The following POLI variants were observed in gnomAD, a reference collection of about 807,000 sequenced individuals.
POLI encodes DNA polymerase iota.
POLI carries 58 observed loss-of-function variants against 51.6 expected under a neutral mutation model. That is an observed-to-expected ratio of 1.12 (90% confidence interval 0.91 to 1.40). POLI has a LOEUF of 1.40. POLI is among the 40% of genes most tolerant of loss of function. The probability of loss-of-function intolerance (pLI) is 0.00; values close to 1 mark genes in which losing one functional copy is unlikely to be tolerated. For synonymous variants in POLI, 322 were observed against 299.7 expected, an observed-to-expected ratio of 1.07 and a Z score of -0.77; for missense variants, 921 against 871.3, an observed-to-expected ratio of 1.06 and a Z score of -0.72.
intron 3 of POLI, among the ~76,000 whole-genome samples, chr18:54,303,924 C>A (rs12955457): frequency 2.7e-3 from 405 of 149,870 alleles, no homozygotes; most frequent in East Asian, 0.024. Flanking sequence ...CCCCCCACCC[C>A]ACAATGGCCC....
chr18:54,294,054 A>G lies in POLI; in HGVS notation c.1810A>G (p.Thr604Ala). 1 of 1,613,140 alleles carries G rather than the reference A, an allele frequency of 6.2e-7. No individual in the cohort carries two copies. Among genetic ancestry groups the G allele is most frequent in the South Asian group, 1.1e-5 (1 of 91,056 alleles). ...VSSVSPCEPGTSGFNSSSSSY... is the reference protein window; with the variant it reads ...VSSVSPCEPGASGFNSSSSSY... The stretch of plus-strand genomic sequence containing the variant: ...CTCTGTATCTCCTTGTGAACCGGGA[A>G]CATCAGGCTTTAATAGCAGTAGTTC... The change falls in exon 10 of 10, where the codon ACA becomes GCA. Residue 604 changes from threonine to alanine, a missense_variant. By Grantham distance (58) the Thr-to-Ala change is moderately conservative (BLOSUM62 0). Transcript: ENST00000579534.
rs2276182 is a variant in POLI at position 54,271,677 on chromosome 18, C to G, written c.241+192C>G. 0.38 allele frequency among the ~76,000 whole-genome samples: 57,651 copies of G among 152,088 alleles called. 11,800 individuals carry two copies. Among genetic ancestry groups the G allele is most frequent in the East Asian group, 0.69 (3,553 of 5,176 alleles). ...AAGCCTCATTTAATAAGTGGTGAATCTGAGAATAGTGTAGTCGGCAGAACA... is the reference window on the plus strand; with the variant it reads ...AAGCCTCATTTAATAAGTGGTGAATGTGAGAATAGTGTAGTCGGCAGAACA... On this transcript the variant is annotated intron_variant, in intron 2 of 9. Coordinates refer to ENST00000579534, the MANE Select transcript of POLI (RefSeq NM_007195.3).
In POLI at chr18:54,269,547, A is replaced by ATGGAGAAGCTGGGGG. The variant is rs946533242; in HGVS notation, c.7_21dup (p.Lys3_Glu7dup). ...TAGCGCTGCGGTTGGCAGCGGCGGG[A>ATGGAGAAGCTGGGGG]TGGAGAAGCTGGGGGTGGAGCCGGA... On this transcript the variant is annotated inframe_insertion, in exon 1 of 10. Transcript: ENST00000579534. 6.6e-7 allele frequency: 1 copy of ATGGAGAAGCTGGGGG among 1,507,120 alleles called. No individual in the cohort carries two copies. Among genetic ancestry groups the ATGGAGAAGCTGGGGG allele is most frequent in the Non-Finnish European group, 8.8e-7 (1 of 1,132,588 alleles). The allele number at this position is 1,507,120 out of a possible 1,614,324, so 93.4% of individuals were successfully genotyped here.
At chr18:54,306,859 T>C (rs576777658) in intron 3 of POLI, among the ~76,000 whole-genome samples, 6 of 152,172 alleles carry the variant, frequency 3.9e-5, no homozygotes, top group Non-Finnish European at 8.8e-5. Context: ...AGTTTATTTG[T>C]GTAGAGGTGT....
chr18:54,287,163 T>C, intron 7 of POLI, 118 bp from the exon 8 acceptor site: 1 of 621,988 alleles, frequency 1.6e-6, no homozygotes, highest in Non-Finnish European at 2.8e-6. Flanking sequence ...TGTTATCTGC[T>C]ATATGTATAA....
chr18:54,301,999 TTTTA>T, downstream of POLI, among the ~76,000 whole-genome samples: 1 of 152,356 alleles, frequency 6.6e-6, no homozygotes, highest in South Asian at 2.1e-4. Flanking sequence ...TTGAAGTTGC[TTTTA>T]TTTGTTTAAG....
downstream of POLI, among the ~76,000 whole-genome samples, chr18:54,302,277 A>G (rs914217932): frequency 6.6e-6 from 1 of 152,222 alleles, no homozygotes; most frequent in Admixed American, 6.5e-5. Flanking sequence ...AGCATTCAAT[A>G]TGTATACTCA....
chr18:54,294,547 AAAC>A lies in POLI; in HGVS notation c.*82_*84del. 1 of 1,453,602 alleles carries A rather than the reference AAAC, an allele frequency of 6.9e-7. No homozygotes were observed. Among genetic ancestry groups the A allele is most frequent in the Non-Finnish European group, 9.0e-7 (1 of 1,108,314 alleles). 90.0% of individuals were successfully genotyped at this position (1,453,602 alleles called of 1,614,324 possible). ...GCGGTTTATTAAGCTCTTCTATATTAAACACTAATAGATATTCAATAACGGAGT... is the reference window on the plus strand; with the variant it reads ...GCGGTTTATTAAGCTCTTCTATATTAACTAATAGATATTCAATAACGGAGT... On this transcript the variant is annotated 3_prime_UTR_variant, in exon 10 of 10. Coordinates refer to ENST00000579534, the MANE Select transcript of POLI (RefSeq NM_007195.3).
upstream of POLI, chr18:54,269,499 G>T: frequency 6.7e-7 from 1 of 1,498,504 alleles, no homozygotes; most frequent in South Asian, 1.3e-5. Context: ...TTTCCCTGGA[G>T]ACCAGGCGGA....
Position 54,294,358 on chromosome 18 carries a change from C to T in POLI, c.2114C>T (p.Pro705Leu). 6.2e-7 allele frequency: 1 copy of T among 1,613,598 alleles called. No individual in the cohort carries two copies. The highest frequency in any genetic ancestry group is 8.5e-7 in the Non-Finnish European group (1 of 1,179,696). ...PDSVDEKITFPSDIDPQVFYE... is the reference protein window; with the variant it reads ...PDSVDEKITFLSDIDPQVFYE... ...TCTGTTGATGAGAAAATTACTTTCC[C>T]TTCTGACATTGATCCTCAAGTTTTC... The change falls in exon 10 of 10, where the codon CCT (proline) becomes CTT (leucine). Residue 705 changes from proline to leucine, a missense_variant. By Grantham distance (98) the Pro-to-Leu change is moderately conservative. Transcript: ENST00000579534.
chr18:54,280,185 A>T (rs1287220244), intron 4 of POLI, among the ~76,000 whole-genome samples: 1 of 152,210 alleles, frequency 6.6e-6, no homozygotes, highest in African/African-American at 2.4e-5. Context: ...TTATAAAGAA[A>T]AAAAGGTTTA....
chr18:54,288,312 A>G (rs548991510), intron 8 of POLI, among the ~76,000 whole-genome samples: 1 of 152,250 alleles, frequency 6.6e-6, no homozygotes, highest in Admixed American at 6.5e-5. Context: ...CAAAGGTCAC[A>G]GATATTTTTT....
rs3730707 is a variant in POLI at position 54,274,152 on chromosome 18, A to G, written c.406+62A>G. 7.7e-3 allele frequency: 6,111 copies of G among 796,140 alleles called. 30 individuals carry two copies. Among genetic ancestry groups the G allele is most frequent in the Non-Finnish European group, 9.9e-3 (5,582 of 563,164 alleles). 49.3% of individuals were successfully genotyped at this position (796,140 alleles called of 1,614,324 possible). A position where few individuals can be genotyped will look rare whatever the true frequency, so the allele number is the denominator to read the frequency against. Reference sequence around the variant, plus strand: ...TTTATGTAGGATGCCTGTTCATTACATGAATTTTTTAATAAATGTAAAATA... The same window carrying G: ...TTTATGTAGGATGCCTGTTCATTACGTGAATTTTTTAATAAATGTAAAATA... On this transcript the variant is annotated intron_variant, in intron 3 of 9. Coordinates refer to ENST00000579534, the MANE Select transcript of POLI (RefSeq NM_007195.3).
chr18:54,273,918 T>C lies in POLI; in HGVS notation c.242-8T>C, dbSNP rs773193819. Reference sequence around the variant, plus strand: ...GTGCTTGGGTTTCTCATAAAATATTTTTTACAGGGGTTCAACAGAAATATT... The same window carrying C: ...GTGCTTGGGTTTCTCATAAAATATTCTTTACAGGGGTTCAACAGAAATATT... On this transcript the variant is annotated splice_polypyrimidine_tract_variant and splice_region_variant and intron_variant, in intron 2 of 9. Coordinates refer to ENST00000579534, the MANE Select transcript of POLI (RefSeq NM_007195.3). 52 of 1,481,980 alleles carry C rather than the reference T, an allele frequency of 3.5e-5. No individual in the cohort carries two copies. The highest frequency in any genetic ancestry group is 4.6e-5 in the Non-Finnish European group (51 of 1,109,920). 91.8% of individuals were successfully genotyped at this position (1,481,980 alleles called of 1,614,324 possible).
chr18:54,280,753 T>C lies in POLI; in HGVS notation c.646T>C (p.Leu216=), dbSNP rs3218788. ...AEMREAMYNQ[L]GLTGCAGVAS... Reference sequence around the variant, plus strand: ...GATGCGGGAAGCCATGTATAATCAGTTGGGGCTCACTGGCTGTGCTGGAGT... The same window carrying C: ...GATGCGGGAAGCCATGTATAATCAGCTGGGGCTCACTGGCTGTGCTGGAGT... Residue 216 remains leucine (L), a synonymous_variant, in exon 5 of 10, where the codon TTG becomes CTG. Coordinates refer to ENST00000579534, the MANE Select transcript of POLI (RefSeq NM_007195.3). 24,705 of 1,613,790 alleles carry C rather than the reference T, an allele frequency of 0.015. 226 individuals carry two copies. The highest frequency in any genetic ancestry group is 0.018 in the Non-Finnish European group (21,136 of 1,179,720).
chr18:54,290,891 A>T (rs577269731), intron 8 of POLI, among the ~76,000 whole-genome samples: 3 of 152,296 alleles, frequency 2.0e-5, no homozygotes, highest in South Asian at 4.1e-4. Context: ...AAGAGTTGAT[A>T]GGTGTAGCAA....
downstream of POLI, among the ~76,000 whole-genome samples, chr18:54,300,586 CAAAT>C (rs968075800): frequency 1.1e-4 from 16 of 151,764 alleles, no homozygotes; most frequent in Non-Finnish European, 1.5e-5. Flanking sequence ...AAATAGAAAA[CAAAT>C]AGTAGGTTGG....
rs34024782 is a variant in POLI, at chr18:54,294,815, ATTTT to A, written c.*361_*364del. 6,261 of 904,426 alleles carry A rather than the reference ATTTT, an allele frequency of 6.9e-3. 1 individual carries two copies. Among genetic ancestry groups the A allele is most frequent in the Non-Finnish European group, 7.6e-3 (5,805 of 760,200 alleles). 56.0% of individuals were successfully genotyped at this position (904,426 alleles called of 1,614,324 possible). A position where few individuals can be genotyped will look rare whatever the true frequency, so the allele number is the denominator to read the frequency against. Reference sequence around the variant, plus strand: ...GTTGCAATGATATGGTAAAGGACACATTTTTTTTTTTTTTTTCCTGTGAAATGTG... The same window carrying A: ...GTTGCAATGATATGGTAAAGGACACATTTTTTTTTTTTCCTGTGAAATGTG... On this transcript the variant is annotated 3_prime_UTR_variant, in exon 10 of 10. Transcript: ENST00000579534.
Position 54,295,162 on chromosome 18 carries a change from G to A in POLI, c.*695G>A. 2.0e-6 allele frequency: 2 copies of A among 984,230 alleles called. No individual in the cohort carries two copies. Among genetic ancestry groups the A allele is most frequent in the Non-Finnish European group, 2.4e-6 (2 of 829,508 alleles). 61.0% of individuals were successfully genotyped at this position (984,230 alleles called of 1,614,324 possible). A position where few individuals can be genotyped will look rare whatever the true frequency, so the allele number is the denominator to read the frequency against. ...GGAACTCTCCGTGCAAGTAAATTAAGGGAAAGATGGACACCAGAAAGGCAA... is the reference window on the plus strand; with the variant it reads ...GGAACTCTCCGTGCAAGTAAATTAAAGGAAAGATGGACACCAGAAAGGCAA... On this transcript the variant is annotated 3_prime_UTR_variant, in exon 10 of 10. Transcript: ENST00000579534.
Sources: gnomAD v4.1 joint callset for allele counts (sites outside exome capture counted in the v4.1 genomes callset) on GRCh38, gnomAD v4.1.1 for gene constraint, MANE v1.5 for transcripts, NCBI Gene and HGNC (gene_info 2026-07-23, HGNC 2026-07-21) for gene names.